TENT4B: variants seen among roughly 807,000 people sequenced by gnomAD.
TENT4B encodes the protein terminal nucleotidyltransferase 4B.
Under a neutral mutation model 75.0 loss-of-function variants are expected in TENT4B, and 10 were observed. The observed-to-expected ratio is 0.13, with a 90% CI of 0.08 to 0.23. TENT4B has a LOEUF of 0.23. Among genes scored for constraint, TENT4B ranks in the 10% least tolerant of loss-of-function variants. The pLI, the probability that TENT4B is intolerant of heterozygous loss-of-function variation, is 1.00. For missense variants in TENT4B, 579 were observed against 893.8 expected (o/e 0.65, Z 4.49); for synonymous variants, 350 against 357.7 (o/e 0.98, Z 0.24).
intron 1 of TENT4B, among the ~76,000 whole-genome samples, chr16:50,166,428 G>T (rs577426567): frequency 1.3e-5 from 2 of 152,296 alleles, no homozygotes; most frequent in South Asian, 2.1e-4. Context: ...AGCCAATCTA[G>T]TGGGTATGAA....
Position 50,170,256 on chromosome 16 carries a change from C to T in TENT4B, c.638+15997C>T, listed in dbSNP as rs191119081. ...GGCTGGACTTGAACTCCTGACCTCA[C>T]GATCTGCCTGCCTCGGTCTCCCAAA... On this transcript the variant is annotated intron_variant, in intron 1 of 11. Coordinates refer to ENST00000561678, the MANE Select transcript of TENT4B (RefSeq NM_001365324.3). 9.3e-4 allele frequency among the ~76,000 whole-genome samples: 141 copies of T among 151,852 alleles called. 1 individual carries two copies. The highest frequency in any genetic ancestry group is 1.6e-3 in the Admixed American group (24 of 15,234).
intron 1 of TENT4B, among the ~76,000 whole-genome samples, chr16:50,208,207 C>G (rs1368244828): frequency 1.3e-5 from 2 of 152,098 alleles, no homozygotes; most frequent in African/African-American, 4.8e-5. Context: ...AAATATGCAT[C>G]AATCAAAATA....
At chr16:50,213,452 C>T (rs2031391805) in intron 2 of TENT4B, among the ~76,000 whole-genome samples, 1 of 152,202 alleles carries the variant, frequency 6.6e-6, no homozygotes, top group African/African-American at 2.4e-5. Context: ...CAGTTTTATG[C>T]CACAGCATGA....
chr16:50,188,127 T>C (rs1396909515), intron 1 of TENT4B, among the ~76,000 whole-genome samples: 1 of 152,156 alleles, frequency 6.6e-6, no homozygotes, highest in Non-Finnish European at 1.5e-5. Flanking sequence ...AATGACAAAA[T>C]CAGTAAAATT....
At chr16:50,219,630 T>G (rs1176924392) in intron 5 of TENT4B, among the ~76,000 whole-genome samples, 1 of 152,118 alleles carries the variant, frequency 6.6e-6, no homozygotes, top group African/African-American at 2.4e-5. Context: ...CTGTTGGATA[T>G]TTCCCTAATT....
chr16:50,158,813 G>A (rs1344407860), intron 1 of TENT4B, among the ~76,000 whole-genome samples: 1 of 152,164 alleles, frequency 6.6e-6, no homozygotes, highest in African/African-American at 2.4e-5. Flanking sequence ...TCTTAAACTA[G>A]GATGGTGGGA....
At chr16:50,174,425 A>G (rs1279857366) in intron 1 of TENT4B, among the ~76,000 whole-genome samples, 1 of 152,124 alleles carries the variant, frequency 6.6e-6, no homozygotes, top group East Asian at 1.9e-4. Flanking sequence ...AGTTCTTTGT[A>G]TATGTGTATT....
chr16:50,222,227 G>A (rs899792458), intron 5 of TENT4B, 79 bp from the exon 6 acceptor site: 2 of 1,321,306 alleles, frequency 1.5e-6, no homozygotes, highest in African/African-American at 1.5e-5. Flanking sequence ...TATAATGTAA[G>A]GACCAATTTA....
upstream of TENT4B, chr16:50,153,150 C>G (rs1597208290): frequency 4.2e-6 from 1 of 240,174 alleles, no homozygotes; most frequent in Non-Finnish European, 5.0e-6. Context: ...CGCGGCGCAG[C>G]GGGGGCGGGG....
chr16:50,186,950 A>G (rs1596688108), intron 1 of TENT4B, among the ~76,000 whole-genome samples: 3 of 151,584 alleles, frequency 2.0e-5, no homozygotes, highest in South Asian at 4.2e-4. Context: ...TTGAAGGGAT[A>G]AGGTCTCACT....
In TENT4B at chr16:50,234,644, A is replaced by C. The variant is rs1387770862; in HGVS notation, c.*5316A>C. ...AAACTTACAGAAGTCACTTTAAAAA[A>C]GTCTTTTGAAAGTCCTACAATCCTA... is the stretch of plus-strand genomic sequence containing the variant. On this transcript the variant is annotated 3_prime_UTR_variant, in exon 12 of 12. Coordinates refer to ENST00000561678, the MANE Select transcript of TENT4B (RefSeq NM_001365324.3). 1 of 985,274 alleles carries C rather than the reference A, an allele frequency of 1.0e-6. No individual in the cohort carries two copies. The highest frequency in any genetic ancestry group is 1.2e-6 in the Non-Finnish European group (1 of 829,880). The allele number at this position is 985,274 out of a possible 1,614,324, so 61.0% of individuals were successfully genotyped here.
At chr16:50,176,194 C>T (rs1409884038) in intron 1 of TENT4B, among the ~76,000 whole-genome samples, 1 of 151,610 alleles carries the variant, frequency 6.6e-6, no homozygotes, top group Non-Finnish European at 1.5e-5. Flanking sequence ...TCAAGCTGTC[C>T]TCCCACCTCA....
chr16:50,171,035 C>T (rs530153809), intron 1 of TENT4B, among the ~76,000 whole-genome samples: 6 of 151,448 alleles, frequency 4.0e-5, no homozygotes, highest in Non-Finnish European at 7.4e-5. Flanking sequence ...GGCCTCAAGC[C>T]GTCCTCCTAC....
At position 50,154,055 on chromosome 16, in the gene TENT4B, T is replaced by TCCCCGCCGC; in HGVS notation, c.436_444dup (p.Pro146_Ala148dup). 6.5e-7 allele frequency: 1 copy of TCCCCGCCGC among 1,529,088 alleles called. No individual in the cohort carries two copies. 94.7% of individuals were successfully genotyped at this position (1,529,088 alleles called of 1,614,324 possible). On this transcript the variant is annotated inframe_insertion, in exon 1 of 12. Transcript: ENST00000561678. ...TCGTCCCCGCACCCTTCGGCCGCCG[T>TCCCCGCCGC]CCCCGCCGCCGATCCAGCCGATTCG...
At chr16:50,199,689 C>T (rs1434439490) in intron 1 of TENT4B, among the ~76,000 whole-genome samples, 1 of 152,162 alleles carries the variant, frequency 6.6e-6, no homozygotes, top group Non-Finnish European at 1.5e-5. Flanking sequence ...CATGCCTTTT[C>T]CTGGATTGAT....
chr16:50,177,960 C>T (rs1411813094), intron 1 of TENT4B, among the ~76,000 whole-genome samples: 3 of 152,004 alleles, frequency 2.0e-5, no homozygotes, highest in Non-Finnish European at 4.4e-5. Context: ...CTTGAGACTT[C>T]TTTGACCCAT....
At chr16:50,175,901 G>T (rs2038298444) in intron 1 of TENT4B, among the ~76,000 whole-genome samples, 1 of 151,810 alleles carries the variant, frequency 6.6e-6, no homozygotes, top group Non-Finnish European at 1.5e-5. Context: ...TCTTGCTTCA[G>T]CCTCCTGAGT....
At chr16:50,163,652 G>T (rs898327023) in intron 1 of TENT4B, among the ~76,000 whole-genome samples, 5 of 151,010 alleles carry the variant, frequency 3.3e-5, no homozygotes, top group Non-Finnish European at 5.9e-5. Flanking sequence ...ACCTGCCTCG[G>T]CCTCCCAAAG....
At chr16:50,188,202 T>A (rs906325609) in intron 1 of TENT4B, among the ~76,000 whole-genome samples, 3 of 152,224 alleles carry the variant, frequency 2.0e-5, no homozygotes, top group African/African-American at 4.8e-5. Flanking sequence ...AATATGGTAT[T>A]GTTGCTGTGG....
Sources: allele counts gnomAD v4.1 joint callset (sites outside exome capture counted in the v4.1 genomes callset), GRCh38; gene constraint gnomAD v4.1.1; transcripts MANE v1.5; gene names NCBI Gene and HGNC (gene_info 2026-07-23, HGNC 2026-07-21).